Variants in SCARB2 observed in about 807,000 individuals in gnomAD.
SCARB2 encodes lysosome membrane protein 2.
SCARB2 carries 29 observed loss-of-function variants against 58.6 expected under a neutral mutation model. That is an observed-to-expected ratio of 0.49 (90% CI 0.37 to 0.67). The LOEUF is 0.67. SCARB2 is among the 30% of genes least tolerant of loss of function. The pLI is 0.00. For missense variants in SCARB2, 488 were observed against 578.5 expected (o/e 0.84, Z 1.60); for synonymous variants, 195 against 210.1 (o/e 0.93, Z 0.62).
chr4:76,210,905 G>C (rs1733030635), intron 1 of SCARB2, among the ~76,000 whole-genome samples: 1 of 152,000 alleles, frequency 6.6e-6, no homozygotes, highest in Non-Finnish European at 1.5e-5. Context: ...TTCCCTTTTT[G>C]ACATAGACAA....
intron 2 of SCARB2, chr4:76,192,767 C>T (rs2109958637): frequency 6.6e-6 from 1 of 152,180 alleles, no homozygotes; most frequent in African/African-American, 2.4e-5. Flanking sequence ...CAGGGGGAAC[C>T]CTTGAGCCCA....
chr4:76,234,223 A>C (rs1022158071), intron 1 of SCARB2: 1 of 152,384 alleles, frequency 6.6e-6, no homozygotes, highest in Non-Finnish European at 1.5e-5. Flanking sequence ...GGGTGTGGGC[A>C]TGATTTCCCC....
At chr4:76,198,873 T>TGC (rs1553949952) in intron 1 of SCARB2, among the ~76,000 whole-genome samples, 10 of 150,394 alleles carry the variant, frequency 6.6e-5, no homozygotes, top group African/African-American at 2.4e-4. Flanking sequence ...TGTGTGTGTG[T>TGC]GCTCATGCGA....
In SCARB2 at chr4:76,213,776, T is replaced by G; in HGVS notation, c.-233A>C. On this transcript the variant is annotated 5_prime_UTR_variant, in exon 1 of 12. Transcript: ENST00000264896. ...GGACGGGCCCGGACTCGGTTTCGGTTTCCTTCGCCGGGCAGCCGTGGCGCC... is the reference window on the plus strand; with the variant it reads ...GGACGGGCCCGGACTCGGTTTCGGTGTCCTTCGCCGGGCAGCCGTGGCGCC... The G allele has an allele frequency of 4.9e-6, 2 of 407,054 alleles. No homozygotes were observed. The highest frequency in any genetic ancestry group is 8.7e-6 in the Non-Finnish European group (2 of 229,388). The allele number at this position is 407,054 out of a possible 1,614,324, so 25.2% of individuals were successfully genotyped here. A position where few individuals can be genotyped will look rare whatever the true frequency, so the allele number is the denominator to read the frequency against.
chr4:76,211,280 G>A (rs1199150766), intron 1 of SCARB2, among the ~76,000 whole-genome samples: 1 of 152,200 alleles, frequency 6.6e-6, no homozygotes, highest in Non-Finnish European at 1.5e-5. Flanking sequence ...GAGTTTCATG[G>A]TAAATGCATC....
At chr4:76,209,384 T>C (rs977472082) in intron 1 of SCARB2, among the ~76,000 whole-genome samples, 13 of 152,206 alleles carry the variant, frequency 8.5e-5, no homozygotes, top group African/African-American at 3.1e-4. Flanking sequence ...TTTTATTTTT[T>C]TTGAGACAGA....
At chr4:76,165,923 G>A in intron 10 of SCARB2, 1 of 450,540 alleles carries the variant, frequency 2.2e-6, no homozygotes, top group South Asian at 2.3e-5. Flanking sequence ...GCATCTATCT[G>A]AGTGTGAGCT....
At chr4:76,166,584 G>A (rs1732013730) in intron 9 of SCARB2, 9 of 509,390 alleles carry the variant, frequency 1.8e-5, no homozygotes, top group Non-Finnish European at 2.9e-5. Flanking sequence ...GGCTCCAGTC[G>A]ACAGAACAAA....
chr4:76,179,152 C>A, intron 4 of SCARB2: 2 of 278,574 alleles, frequency 7.2e-6, no homozygotes, highest in South Asian at 7.8e-5. Context: ...CTCCTGGGTT[C>A]ATGCAACTTA....
At chr4:76,194,481 A>C (rs955955325) in intron 2 of SCARB2, 1 of 151,734 alleles carries the variant, frequency 6.6e-6, no homozygotes, top group Non-Finnish European at 1.5e-5. Flanking sequence ...CAGAGGCGGG[A>C]ATCAAAATGG....
At chr4:76,213,232 G>A (rs1733098710) in intron 1 of SCARB2, 195 bp downstream of exon 1, 2 of 638,896 alleles carry the variant, frequency 3.1e-6, no homozygotes, top group African/African-American at 1.8e-5. Flanking sequence ...ACTGTAAAGG[G>A]AACAGAGTCG....
At chr4:76,178,079 G>A (rs1027229849) in intron 4 of SCARB2, among the ~76,000 whole-genome samples, 11 of 152,290 alleles carry the variant, frequency 7.2e-5, no homozygotes, top group African/African-American at 2.6e-4. Context: ...TCCAGGACCA[G>A]GACCAATTAT....
chr4:76,183,406 T>A (rs1317100183), intron 2 of SCARB2, among the ~76,000 whole-genome samples: 3 of 152,114 alleles, frequency 2.0e-5, no homozygotes, highest in Non-Finnish European at 4.4e-5. Context: ...GGGGTTCCCA[T>A]CCCCCTGTGC....
chr4:76,168,829 AAGAT>A (rs1300832205), intron 8 of SCARB2, among the ~76,000 whole-genome samples: 2 of 152,344 alleles, frequency 1.3e-5, no homozygotes, highest in East Asian at 1.9e-4. Flanking sequence ...GGAGGCCTAA[AAGAT>A]AGCCTGTCAG....
intron 7 of SCARB2, among the ~76,000 whole-genome samples, chr4:76,172,498 C>T (rs1732153137): frequency 6.6e-6 from 1 of 152,000 alleles, no homozygotes; most frequent in Non-Finnish European, 1.5e-5. Flanking sequence ...AGTGAGCCTC[C>T]TGCTTCAGCC....
intron 4 of SCARB2, chr4:76,176,751 A>C (rs1345324477): frequency 6.7e-6 from 3 of 444,716 alleles, no homozygotes; most frequent in Non-Finnish European, 1.2e-5. Flanking sequence ...TTACAAGCAA[A>C]AACAGAGGTT....
chr4:76,192,203 A>C (rs555788713), intron 2 of SCARB2: 7 of 152,346 alleles, frequency 4.6e-5, no homozygotes, highest in African/African-American at 1.7e-4. Context: ...AGAAGGGAAG[A>C]GTTTGGAGGG....
chr4:76,201,366 G>A (rs2109965057), intron 1 of SCARB2, among the ~76,000 whole-genome samples: 1 of 152,240 alleles, frequency 6.6e-6, no homozygotes, highest in Non-Finnish European at 1.5e-5. Flanking sequence ...GTCAGATTGG[G>A]TCTGATACTA....
intron 1 of SCARB2, among the ~76,000 whole-genome samples, chr4:76,212,685 G>A (rs1394238083): frequency 6.6e-6 from 1 of 152,222 alleles, no homozygotes; most frequent in African/African-American, 2.4e-5. Flanking sequence ...GAAATGACCA[G>A]TGAAATCAAA....
Sources: allele counts gnomAD v4.1 joint callset (sites outside exome capture counted in the v4.1 genomes callset), GRCh38; gene constraint gnomAD v4.1.1; transcripts MANE v1.5; gene names NCBI Gene and HGNC (gene_info 2026-07-23, HGNC 2026-07-21).